Variants in AKAP6 observed in about 807,000 individuals in gnomAD.
The protein encoded by AKAP6 is A-kinase anchor protein 6.
Under a neutral mutation model 188.5 loss-of-function variants are expected in AKAP6, and 58 were observed. The observed-to-expected ratio is 0.31, with a 90% confidence interval of 0.25 to 0.38. The LOEUF (loss-of-function observed/expected upper bound fraction) is 0.38, where lower values mean the gene tolerates loss of function less well. AKAP6 is among the 10% of genes least tolerant of loss of function. The probability of loss-of-function intolerance (pLI) is 1.00; values close to 1 mark genes in which losing one functional copy is unlikely to be tolerated. For synonymous variants in AKAP6, 989 were observed against 998.6 expected (o/e 0.99, Z 0.18); for missense variants, 2,710 against 2,740.0 (o/e 0.99, Z 0.24).
rs538984118 is a variant in AKAP6, at chr14:32,754,090, T to G, written c.3372+18208T>G. Among the ~76,000 whole-genome samples the G allele has an allele frequency of 5.9e-5, 9 of 152,244 alleles. No homozygotes were observed. In the East Asian group the frequency reaches 1.5e-3, roughly 26 times the overall value. ...CATTGGAATTTTGATCTGTCCATTA[T>G]TGAAAGCAGGGTATTGAAGGCTCCT... is the stretch of plus-strand genomic sequence containing the variant. On this transcript the variant is annotated intron_variant, in intron 11 of 13. Coordinates refer to ENST00000280979, the MANE Select transcript of AKAP6 (RefSeq NM_004274.5).
chr14:32,745,497 G>GTC (rs368703359), intron 11 of AKAP6, among the ~76,000 whole-genome samples: 90 of 54,944 alleles, frequency 1.6e-3, no homozygotes, highest in African/African-American at 4.7e-3. Flanking sequence ...CTCTCTCTCT[G>GTC]TCTCTCTCTC....
At chr14:32,495,070 G>A (rs771526557) in intron 2 of AKAP6, 4 of 152,190 alleles carry the variant, frequency 2.6e-5, no homozygotes, top group Non-Finnish European at 5.9e-5. Context: ...ATTCCACTTA[G>A]CAGTCTGGGA....
At chr14:32,466,774 A>G (rs573194152) in intron 2 of AKAP6, among the ~76,000 whole-genome samples, 4 of 145,762 alleles carry the variant, frequency 2.7e-5, no homozygotes, top group Non-Finnish European at 5.9e-5. Flanking sequence ...TAACCAATCG[A>G]TGTGTAGACC....
intron 1 of AKAP6, among the ~76,000 whole-genome samples, chr14:32,407,706 T>C (rs1051073175): frequency 6.6e-6 from 1 of 152,160 alleles, no homozygotes; most frequent in Admixed American, 6.5e-5. Context: ...ACTTACAGGC[T>C]CTCTATCAAA....
chr14:32,596,549 T>C (rs547775352), intron 5 of AKAP6, among the ~76,000 whole-genome samples: 4 of 152,274 alleles, frequency 2.6e-5, no homozygotes, highest in African/African-American at 9.6e-5. Context: ...TTAAAGATGC[T>C]AAAAAAGACC....
intron 7 of AKAP6, among the ~76,000 whole-genome samples, chr14:32,634,036 A>T (rs1325018698): frequency 6.6e-6 from 1 of 151,984 alleles, no homozygotes; most frequent in Non-Finnish European, 1.5e-5. Flanking sequence ...AGCCTCCATC[A>T]CTAGTTGAGC....
At chr14:32,602,162 T>G (rs529774736) in intron 7 of AKAP6, among the ~76,000 whole-genome samples, 1 of 152,202 alleles carries the variant, frequency 6.6e-6, no homozygotes, top group Non-Finnish European at 1.5e-5. Flanking sequence ...GAGTAGGCTG[T>G]AGGGAGAAGT....
intron 1 of AKAP6, among the ~76,000 whole-genome samples, chr14:32,354,931 G>A (rs2138463815): frequency 6.6e-6 from 1 of 152,274 alleles, no homozygotes; most frequent in Middle Eastern, 3.4e-3. Flanking sequence ...TTCAGTTCAG[G>A]TGCCCTGCTT....
chr14:32,783,649 G>A (rs78057609), intron 12 of AKAP6, among the ~76,000 whole-genome samples: 12,178 of 151,976 alleles, frequency 0.08, 498 homozygotes, highest in African/African-American at 0.11. Context: ...CTAACACATC[G>A]CACTTGATAT....
chr14:32,517,932 G>A (rs1256506415), intron 2 of AKAP6, among the ~76,000 whole-genome samples: 1 of 152,206 alleles, frequency 6.6e-6, no homozygotes, highest in Non-Finnish European at 1.5e-5. Context: ...AGCCTAACTG[G>A]GAGACACGTC....
chr14:32,622,787 A>G (rs1886868938), intron 7 of AKAP6, among the ~76,000 whole-genome samples: 1 of 152,200 alleles, frequency 6.6e-6, no homozygotes, highest in African/African-American at 2.4e-5. Flanking sequence ...TGAGTGGGAC[A>G]TAGAACAGGA....
At chr14:32,653,731 T>C (rs946280281) in intron 7 of AKAP6, among the ~76,000 whole-genome samples, 17 of 152,216 alleles carry the variant, frequency 1.1e-4, no homozygotes, top group African/African-American at 3.9e-4. Flanking sequence ...AAGAATACAA[T>C]GAAATCGAGA....
At chr14:32,589,106 C>T (rs1885372304) in intron 5 of AKAP6, among the ~76,000 whole-genome samples, 1 of 152,218 alleles carries the variant, frequency 6.6e-6, no homozygotes, top group South Asian at 2.1e-4. Context: ...AGTTAAGCTT[C>T]ACAAGACCAG....
At chr14:32,810,937 A>C (rs1332333046) in intron 12 of AKAP6, among the ~76,000 whole-genome samples, 1 of 152,170 alleles carries the variant, frequency 6.6e-6, no homozygotes, top group Admixed American at 6.5e-5. Flanking sequence ...TGACAGGCTT[A>C]GTTAAGATGA....
chr14:32,546,667 T>A lies in AKAP6; in HGVS notation c.2014T>A (p.Ser672Thr). The A allele has an allele frequency of 6.2e-7, 1 of 1,614,096 alleles. No homozygotes were observed. The highest frequency in any genetic ancestry group is 1.1e-5 in the South Asian group (1 of 91,074). ...CCAGAATATTGATGACTGGGAACTG[T>A]CTGAAATGAATTCAGATTCTGAAAT... ...TIQNIDDWEL[S>T]EMNSDSEIYP... Residue 672 changes from serine to threonine, a missense_variant, in exon 4 of 14, where the codon TCT becomes ACT. By Grantham distance (58) the Ser-to-Thr change is moderately conservative. Transcript: ENST00000280979.
chr14:32,359,956 G>T (rs1356540234), intron 1 of AKAP6, among the ~76,000 whole-genome samples: 1 of 152,044 alleles, frequency 6.6e-6, no homozygotes, highest in Non-Finnish European at 1.5e-5. Flanking sequence ...TCTATGATCT[G>T]TCCCTTAGAA....
chr14:32,798,000 A>T (rs2033825805), intron 12 of AKAP6, among the ~76,000 whole-genome samples: 1 of 151,956 alleles, frequency 6.6e-6, no homozygotes, highest in Non-Finnish European at 1.5e-5. Context: ...TATGCATGTG[A>T]CAAAGGTCTA....
At chr14:32,700,333 A>G (rs1317619406) in intron 9 of AKAP6, among the ~76,000 whole-genome samples, 1 of 152,116 alleles carries the variant, frequency 6.6e-6, no homozygotes, top group Non-Finnish European at 1.5e-5. Flanking sequence ...CCAGACTCCA[A>G]GGGTTAATTT....
At chr14:32,742,891 C>T (rs1409561846) in intron 11 of AKAP6, among the ~76,000 whole-genome samples, 1 of 152,050 alleles carries the variant, frequency 6.6e-6, no homozygotes, top group Non-Finnish European at 1.5e-5. Flanking sequence ...TCCATTTGGT[C>T]TATAGTGCAG....
Sources: gnomAD v4.1 joint callset for allele counts (sites outside exome capture counted in the v4.1 genomes callset) on GRCh38, gnomAD v4.1.1 for gene constraint, MANE v1.5 for transcripts, NCBI Gene and HGNC (gene_info 2026-07-23, HGNC 2026-07-21) for gene names.